NFX1: variants seen among roughly 807,000 people sequenced by gnomAD.
NFX1 encodes the protein transcriptional repressor NF-X1.
A neutral mutation model predicts 137.2 loss-of-function variants in NFX1; 69 were observed. The ratio of observed to expected loss-of-function variants is 0.50; its 90% CI spans 0.41 to 0.61. The LOEUF (loss-of-function observed/expected upper bound fraction) is 0.61, where lower values mean the gene tolerates loss of function less well. NFX1 is among the 20% of genes least tolerant of loss of function. The pLI is 0.00. For missense variants in NFX1, 1,167 were observed against 1,391.0 expected (o/e 0.84, Z 2.56); for synonymous variants, 495 against 474.1 (o/e 1.04, Z -0.57).
rs1409861069 is a variant in NFX1 at position 33,301,313 on chromosome 9, T to C, written c.1084T>C (p.Cys362Arg). ...TTEKYECMVC[C>R]ELVRVTAPVW... ...AGAAAAATACGAGTGCATGGTGTGC[T>C]GTGAATTGGTTCGTGTCACGGCCCC... is the stretch of plus-strand genomic sequence containing the variant. Residue 362 changes from cysteine (C) to arginine (R), a missense_variant, in exon 3 of 24, where the codon TGT becomes CGT. Transcript: ENST00000379540. The C allele has an allele frequency of 6.2e-7, 1 of 1,614,198 alleles. No individual in the cohort carries two copies. The highest frequency in any genetic ancestry group is 1.7e-5 in the Admixed American group (1 of 60,024).
intron 14 of NFX1, among the ~76,000 whole-genome samples, chr9:33,344,483 G>GT (rs779203298): frequency 2.0e-5 from 3 of 152,148 alleles, no homozygotes; most frequent in African/African-American, 7.2e-5. Context: ...TTTGGTGCAT[G>GT]TTTTGAAATT....
intron 2 of NFX1, among the ~76,000 whole-genome samples, chr9:33,296,724 G>T (rs944517861): frequency 2.0e-5 from 3 of 151,734 alleles, no homozygotes; most frequent in African/African-American, 7.3e-5. Flanking sequence ...ACCCTGTTTT[G>T]CGGGGGGAAA....
intron 2 of NFX1, among the ~76,000 whole-genome samples, chr9:33,298,838 C>A (rs950573312): frequency 6.6e-6 from 1 of 151,974 alleles, no homozygotes; most frequent in Non-Finnish European, 1.5e-5. Flanking sequence ...AAGAAGGCAA[C>A]AGGACAAGTT....
At chr9:33,309,859 G>A (rs1821901427) in intron 5 of NFX1, among the ~76,000 whole-genome samples, 1 of 152,134 alleles carries the variant, frequency 6.6e-6, no homozygotes, top group African/African-American at 2.4e-5. Context: ...TGGACCTCTG[G>A]TCTAAAAGTT....
At chr9:33,354,335 C>G in intron 18 of NFX1, 148 bp downstream of exon 18, 1 of 688,752 alleles carries the variant, frequency 1.5e-6, no homozygotes, top group South Asian at 2.0e-5. Context: ...GAGACATCTG[C>G]TCCATCCCCA....
intron 2 of NFX1, among the ~76,000 whole-genome samples, chr9:33,298,786 A>G (rs1228307505): frequency 2.0e-5 from 3 of 152,132 alleles, no homozygotes; most frequent in African/African-American, 7.2e-5. Context: ...CCTGTCTCAA[A>G]AAAAAAAATA....
intron 12 of NFX1, among the ~76,000 whole-genome samples, chr9:33,340,817 C>G (rs552705436): frequency 1.1e-4 from 16 of 152,210 alleles, no homozygotes; most frequent in African/African-American, 1.7e-4. Context: ...TGTTGCCACT[C>G]TCTTTGATAA....
In NFX1 at chr9:33,367,578, G is replaced by A; in HGVS notation, c.3249G>A (p.Arg1083=). The change falls in exon 23 of 24, where the codon CGG becomes CGA. Residue 1083 remains arginine, a synonymous_variant. Transcript: ENST00000379540. ...TGCTTGAAAGGGAAATGCAGGCACG[G>A]CCTCCACCACCGATTCCTCATCACA... ...TGVLEREMQA[R]PPPPIPHHRH... 1 of 1,613,796 alleles carries A rather than the reference G, an allele frequency of 6.2e-7. No individual in the cohort carries two copies. The highest frequency in any genetic ancestry group is 8.5e-7 in the Non-Finnish European group (1 of 1,179,802).
At chr9:33,341,716 T>C (rs1823229250) in intron 12 of NFX1, among the ~76,000 whole-genome samples, 1 of 152,092 alleles carries the variant, frequency 6.6e-6, no homozygotes, top group Admixed American at 6.6e-5. Context: ...TCTTGCTTGA[T>C]CCAAGGAATT....
At chr9:33,344,338 T>A (rs1823334493) in intron 14 of NFX1, 150 bp downstream of exon 14, 1 of 1,080,958 alleles carries the variant, frequency 9.3e-7, no homozygotes, top group Non-Finnish European at 1.3e-6. Flanking sequence ...GGTGGGTCTG[T>A]GATCTGGGCC....
At chr9:33,341,654 G>A in intron 12 of NFX1, among the ~76,000 whole-genome samples, 1 of 152,178 alleles carries the variant, frequency 6.6e-6, no homozygotes, top group East Asian at 1.9e-4. Context: ...TTTGCAGCCA[G>A]GCATTGTGGC....
At position 33,351,004 on chromosome 9, in the gene NFX1, C is replaced by T. The variant is rs998858697; in HGVS notation, c.2425-556C>T. ...ACTAAAAATACAAAAATTAGCTGGT[C>T]GTGGTGGTACACACCTGTAACCCCA... is the stretch of plus-strand genomic sequence containing the variant. On this transcript the variant is annotated intron_variant, in intron 15 of 23. Transcript: ENST00000379540. Among the ~76,000 whole-genome samples the T allele has an allele frequency of 5.8e-4, 88 of 152,176 alleles. 1 individual carries two copies. The highest frequency in any genetic ancestry group is 1.8e-3 in the African/African-American group (73 of 41,514).
At chr9:33,309,129 G>A (rs1177375983) in intron 5 of NFX1, among the ~76,000 whole-genome samples, 5 of 152,172 alleles carry the variant, frequency 3.3e-5, no homozygotes, top group African/African-American at 2.4e-5. Flanking sequence ...AGGCCAAGGC[G>A]GGTGGATCAC....
chr9:33,350,617 G>GT (rs1328240666), intron 15 of NFX1, among the ~76,000 whole-genome samples: 1 of 152,194 alleles, frequency 6.6e-6, no homozygotes, highest in Non-Finnish European at 1.5e-5. Flanking sequence ...GTTAAGGTTT[G>GT]TTTTCTTCAT....
intron 10 of NFX1, among the ~76,000 whole-genome samples, chr9:33,329,237 G>A (rs1822709544): frequency 6.6e-6 from 1 of 152,184 alleles, no homozygotes; most frequent in Admixed American, 6.5e-5. Flanking sequence ...TTCAGTGTGT[G>A]CCAGCATACA....
At chr9:33,368,032 G>A (rs1365376950) in intron 23 of NFX1, among the ~76,000 whole-genome samples, 2 of 152,288 alleles carry the variant, frequency 1.3e-5, no homozygotes, top group East Asian at 1.9e-4. Flanking sequence ...TCAGGAGTTC[G>A]AGACCAGCCT....
rs1823074430 is a variant in NFX1, at chr9:33,338,043, T to G, written c.2036-467T>G. 3.6e-5 allele frequency among the ~76,000 whole-genome samples: 5 copies of G among 139,052 alleles called. No individual in the cohort carries two copies. In the South Asian group the frequency reaches 1.2e-3, roughly 32 times the overall value. The allele number at this position is 139,052 out of a possible 152,430, so 91.2% of individuals were successfully genotyped here. A position where few individuals can be genotyped will look rare whatever the true frequency, so the allele number is the denominator to read the frequency against. ...CAGCCTGGGCAGCAGAGTGAGACCC[T>G]GTCTCAGAAAAAAAAAAAGAAAGCA... On this transcript the variant is annotated intron_variant, in intron 11 of 23. Coordinates refer to ENST00000379540, the MANE Select transcript of NFX1 (RefSeq NM_002504.6).
At chr9:33,293,659 C>A (rs777390241) in intron 1 of NFX1, among the ~76,000 whole-genome samples, 2 of 152,136 alleles carry the variant, frequency 1.3e-5, no homozygotes, top group African/African-American at 4.8e-5. Flanking sequence ...TTAGGCAAAC[C>A]ATTTTGTCTT....
intron 9 of NFX1, among the ~76,000 whole-genome samples, chr9:33,328,279 C>A (rs1039984940): frequency 1.3e-4 from 19 of 151,966 alleles, no homozygotes; most frequent in Admixed American, 3.3e-4. Flanking sequence ...CCCACCTCAG[C>A]CTCTCAAAGT....
Sources: allele counts gnomAD v4.1 joint callset (sites outside exome capture counted in the v4.1 genomes callset), GRCh38; gene constraint gnomAD v4.1.1; transcripts MANE v1.5; gene names NCBI Gene and HGNC (gene_info 2026-07-23, HGNC 2026-07-21).